The following RYR3 variants were observed in gnomAD, a reference collection of about 807,000 sequenced individuals.
The protein encoded by RYR3 is brain ryanodine receptor-calcium release channel.
A neutral mutation model predicts 584.3 loss-of-function variants in RYR3; 207 were observed. The ratio of observed to expected loss-of-function variants is 0.35; its 90% CI spans 0.32 to 0.40. RYR3 has a LOEUF of 0.40. Among genes scored for constraint, RYR3 ranks in the 10% least tolerant of loss-of-function variants. The probability of loss-of-function intolerance (pLI) is 1.00; values close to 1 mark genes in which losing one functional copy is unlikely to be tolerated. For missense variants in RYR3, 5,616 were observed against 6,089.2 expected (o/e 0.92, Z 2.59); for synonymous variants, 2,416 against 2,248.5 (o/e 1.07, Z -2.11).
At chr15:33,738,640 A>T (rs1183449331) in intron 50 of RYR3, 50 bp downstream of exon 50, 1 of 1,600,468 alleles carries the variant, frequency 6.2e-7, no homozygotes, top group South Asian at 1.1e-5. Context: ...GTGCTCCAGC[A>T]TCTACAGATA....
intron 60 of RYR3, among the ~76,000 whole-genome samples, chr15:33,763,173 A>G (rs2072660557): frequency 6.6e-6 from 1 of 152,220 alleles, no homozygotes; most frequent in Admixed American, 6.5e-5. Flanking sequence ...GCCTAGAAGA[A>G]AACCTAGGCA....
At chr15:33,849,073 T>G (rs2078919239) in intron 94 of RYR3, 1 of 152,338 alleles carries the variant, frequency 6.6e-6, no homozygotes, top group South Asian at 2.1e-4. Flanking sequence ...CCTGATCTGG[T>G]GATCCACCCA....
At chr15:33,572,504 T>C (rs1381102711) in intron 12 of RYR3, among the ~76,000 whole-genome samples, 1 of 151,708 alleles carries the variant, frequency 6.6e-6, no homozygotes, top group East Asian at 1.9e-4. Context: ...CCCGAGCATG[T>C]GTGTGGCCTT....
intron 12 of RYR3, among the ~76,000 whole-genome samples, chr15:33,575,155 C>T (rs1595669421): frequency 6.6e-6 from 1 of 151,488 alleles, no homozygotes; most frequent in East Asian, 1.9e-4. Context: ...TGCAAAGAGA[C>T]TTAGACTCCC....
At chr15:33,604,639 A>G (rs1595796762) in intron 18 of RYR3, among the ~76,000 whole-genome samples, 1 of 152,188 alleles carries the variant, frequency 6.6e-6, no homozygotes, top group South Asian at 2.1e-4. Context: ...TGGCAGGATG[A>G]TGGGGTCATG....
intron 53 of RYR3, 147 bp downstream of exon 53, chr15:33,746,304 T>C (rs2070708687): frequency 3.0e-6 from 2 of 660,266 alleles, no homozygotes; most frequent in South Asian, 1.9e-5. Flanking sequence ...AGCTTGCCAG[T>C]GGGCAAGTGC....
At chr15:33,460,552 A>G (rs561603697) in intron 1 of RYR3, among the ~76,000 whole-genome samples, 31 of 152,358 alleles carry the variant, frequency 2.0e-4, no homozygotes, top group Middle Eastern at 3.4e-3. Context: ...GATTTACAGC[A>G]CTACTTACTA....
At chr15:33,663,476 G>T in intron 35 of RYR3, 61 bp from the exon 36 acceptor site, 2 of 1,431,628 alleles carry the variant, frequency 1.4e-6, no homozygotes, top group South Asian at 1.2e-5. Context: ...CTGTAAAATG[G>T]GCATGCTAGC....
rs964689572 is a variant in RYR3, at chr15:33,853,549, C to T, written c.13672-6C>T. The T allele has an allele frequency of 3.1e-6, 5 of 1,613,250 alleles. No individual in the cohort carries two copies. ...CCTGAGCTCACCCTGTCATCCTTTG[C>T]TTCAGGTGATCAACAAGTATGGAGA... is the stretch of plus-strand genomic sequence containing the variant. On this transcript the variant is annotated splice_polypyrimidine_tract_variant and splice_region_variant and intron_variant, in intron 95 of 103. Transcript: ENST00000634891.
At chr15:33,511,515 T>C (rs1040864323) in intron 3 of RYR3, among the ~76,000 whole-genome samples, 1 of 151,984 alleles carries the variant, frequency 6.6e-6, no homozygotes, top group Non-Finnish European at 1.5e-5. Context: ...GTACTTTGCA[T>C]GGACAACTGA....
intron 1 of RYR3, among the ~76,000 whole-genome samples, chr15:33,337,997 T>A (rs1038199855): frequency 1.4e-5 from 2 of 140,400 alleles, no homozygotes; most frequent in African/African-American, 5.4e-5. Flanking sequence ...CAGGCTAGAG[T>A]GCAGTGGCGC....
chr15:33,373,890 A>G (rs1407191482), intron 1 of RYR3, among the ~76,000 whole-genome samples: 1 of 152,210 alleles, frequency 6.6e-6, no homozygotes, highest in African/African-American at 2.4e-5. Flanking sequence ...GTTTTTTTAA[A>G]TATGTTGTGG....
chr15:33,827,582 A>C (rs750156501), intron 85 of RYR3, among the ~76,000 whole-genome samples: 11 of 152,224 alleles, frequency 7.2e-5, no homozygotes, highest in Non-Finnish European at 1.2e-4. Context: ...TAACACAACC[A>C]AGAGCTCTAA....
chr15:33,673,837 TTGAGA>T (rs2063994680), intron 38 of RYR3, among the ~76,000 whole-genome samples: 1 of 152,252 alleles, frequency 6.6e-6, no homozygotes, highest in Non-Finnish European at 1.5e-5. Context: ...CTTAGAGGTC[TTGAGA>T]TGACCCATTG....
intron 1 of RYR3, among the ~76,000 whole-genome samples, chr15:33,421,452 G>T (rs564592660): frequency 6.6e-6 from 1 of 152,274 alleles, no homozygotes; most frequent in South Asian, 2.1e-4. Flanking sequence ...AATCTGTATG[G>T]TTTGGGAAAG....
At position 33,840,932 on chromosome 15, in the gene RYR3, C is replaced by G. The variant is rs755618142; in HGVS notation, c.13037+49C>G. The stretch of plus-strand genomic sequence containing the variant: ...ACTCTCATTGCTATGGTAGATAATT[C>G]TTAGGCCAGGCAGAGTGGCTCGCAC... On this transcript the variant is annotated intron_variant, in intron 90 of 103. Coordinates refer to ENST00000634891, the MANE Select transcript of RYR3 (RefSeq NM_001036.6). 10 of 1,556,818 alleles carry G rather than the reference C, an allele frequency of 6.4e-6. No homozygotes were observed. In the Admixed American group the frequency reaches 1.5e-4, roughly 24 times the overall value.
At chr15:33,459,819 G>A (rs2047865582) in intron 1 of RYR3, among the ~76,000 whole-genome samples, 2 of 152,218 alleles carry the variant, frequency 1.3e-5, no homozygotes, top group South Asian at 4.1e-4. Context: ...TTCTAGGGAG[G>A]GGAAAGCTTC....
At chr15:33,368,550 A>C (rs1451463067) in intron 1 of RYR3, among the ~76,000 whole-genome samples, 1 of 151,938 alleles carries the variant, frequency 6.6e-6, no homozygotes, top group Admixed American at 6.6e-5. Context: ...AGATTTCTGG[A>C]AAGTGATGAC....
At chr15:33,408,365 A>G (rs1433512213) in intron 1 of RYR3, among the ~76,000 whole-genome samples, 3 of 152,228 alleles carry the variant, frequency 2.0e-5, no homozygotes, top group Non-Finnish European at 4.4e-5. Flanking sequence ...GTAGTAGTCC[A>G]TGATATGTGT....
Sources: gnomAD v4.1 joint callset for allele counts (sites outside exome capture counted in the v4.1 genomes callset) on GRCh38, gnomAD v4.1.1 for gene constraint, MANE v1.5 for transcripts, NCBI Gene and HGNC (gene_info 2026-07-23, HGNC 2026-07-21) for gene names.